A2ML1: variants seen among roughly 807,000 people sequenced by gnomAD.
The protein encoded by A2ML1 is alpha-2-macroglobulin like 1.
A2ML1 carries 161 observed loss-of-function variants against 181.9 expected under a neutral mutation model. That is an observed-to-expected ratio of 0.89 (90% CI 0.78 to 1.01). A2ML1 has a LOEUF of 1.01. A2ML1 is among the 50% of genes least tolerant of loss of function. The probability of loss-of-function intolerance (pLI) is 0.00; values close to 1 mark genes in which losing one functional copy is unlikely to be tolerated. For synonymous variants in A2ML1, 663 were observed against 666.8 expected, an observed-to-expected ratio of 0.99 and a Z score of 0.09; for missense variants, 1,670 against 1,768.1, an observed-to-expected ratio of 0.94 and a Z score of 1.00.
At chr12:8,880,658 C>A (rs1191852936), downstream of A2ML1, 1 of 152,144 alleles carries the variant, frequency 6.6e-6, no homozygotes, top group Non-Finnish European at 1.5e-5. Flanking sequence ...GAGGAGGGGA[C>A]ACTCAGCAGC....
At chr12:8,860,441 G>A (rs1944215532) in intron 26 of A2ML1, among the ~76,000 whole-genome samples, 1 of 152,138 alleles carries the variant, frequency 6.6e-6, no homozygotes, top group Non-Finnish European at 1.5e-5. Context: ...GCTCTTTCTG[G>A]GAAAGGCGAT....
rs757738104 is a variant in A2ML1, at chr12:8,834,861, T to C, written c.483+179T>C. On this transcript the variant is annotated intron_variant, in intron 5 of 35. Coordinates refer to ENST00000299698, the MANE Select transcript of A2ML1 (RefSeq NM_144670.6). ...GCCTGCTTTCTTGCCTCTGCCCTCC[T>C]AGTCTCTCACACCTACATTTCAGTA... 122 of 646,798 alleles carry C rather than the reference T, an allele frequency of 1.9e-4. 1 individual carries two copies. The highest frequency in any genetic ancestry group is 2.9e-4 in the Non-Finnish European group (108 of 375,182). The allele number at this position is 646,798 out of a possible 1,614,324, so 40.1% of individuals were successfully genotyped here.
At chr12:8,823,532 C>T in intron 2 of A2ML1, 167 bp downstream of exon 2, 1 of 1,080,298 alleles carries the variant, frequency 9.3e-7, no homozygotes. Context: ...CCCACGGTTT[C>T]CTCGACCTAG....
Position 8,823,338 on chromosome 12 carries a change from G to C in A2ML1, c.219G>C (p.Lys73Asn), listed in dbSNP as rs758676296. The C allele has an allele frequency of 1.9e-6, 3 of 1,613,878 alleles. No homozygotes were observed. The highest frequency in any genetic ancestry group is 1.3e-5 in the African/African-American group (1 of 74,888). The stretch of plus-strand genomic sequence containing the variant: ...TGCTAGAATACTCTGGACTGAAGAA[G>C]AGGCACTTACATTGTATCTCCTTTC... ...QKLLEYSGLKKRHLHCISFLV... is the reference protein window; with the variant it reads ...QKLLEYSGLKNRHLHCISFLV... Residue 73 changes from lysine (K) to asparagine (N), a missense_variant, in exon 2 of 36, where the codon AAG becomes AAC. By Grantham distance (94) the Lys-to-Asn change is moderately conservative. Transcript: ENST00000299698.
intron 17 of A2ML1, 107 bp downstream of exon 17, chr12:8,849,866 T>G: frequency 9.8e-7 from 1 of 1,019,648 alleles, no homozygotes; most frequent in Non-Finnish European, 1.5e-6. Flanking sequence ...AGCCCGAGAA[T>G]GCTAATGGGT....
chr12:8,884,982 A>G (rs1310387745), intron 7 of A2ML1, among the ~76,000 whole-genome samples: 1 of 152,198 alleles, frequency 6.6e-6, no homozygotes, highest in Non-Finnish European at 1.5e-5. Flanking sequence ...TGCAATGAAC[A>G]TTTGCATGCA....
chr12:8,847,687 A>G lies in A2ML1; in HGVS notation c.1822A>G (p.Ser608Gly). 6.2e-7 allele frequency: 1 copy of G among 1,611,962 alleles called. No individual in the cohort carries two copies. Among genetic ancestry groups the G allele is most frequent in the East Asian group, 2.2e-5 (1 of 44,606 alleles). ...VLLLRPDREL[S>G]NRSVYGMFPF... is the part of the protein sequence containing the mutation. ...ACTGCTTAGGCCAGACAGAGAGCTG[A>G]GCAACCGCTCTGTGAGTAACTGTCT... is the stretch of plus-strand genomic sequence containing the variant. The change falls in exon 15 of 36, where the codon AGC (serine) becomes GGC (glycine). Residue 608 changes from serine (S) to glycine (G), a missense_variant. Ser to Gly is a moderately conservative substitution (Grantham distance 56). Coordinates refer to ENST00000299698, the MANE Select transcript of A2ML1 (RefSeq NM_144670.6).
chr12:8,875,210 T>C (rs1411809884), intron 35 of A2ML1, among the ~76,000 whole-genome samples, 198 bp downstream of exon 35: 1 of 151,876 alleles, frequency 6.6e-6, no homozygotes, highest in Non-Finnish European at 1.5e-5. Context: ...CCTGAGTTGC[T>C]GGGATTATAG....
At chr12:8,828,171 C>T (rs1468028250) in intron 3 of A2ML1, among the ~76,000 whole-genome samples, 3 of 152,164 alleles carry the variant, frequency 2.0e-5, no homozygotes, top group South Asian at 2.1e-4. Flanking sequence ...GCCAGCCAGG[C>T]TTGTGTCCTC....
In A2ML1 at chr12:8,839,130, A is replaced by G. The variant is rs897684841; in HGVS notation, c.988A>G (p.Thr330Ala). 6.2e-7 allele frequency: 1 copy of G among 1,613,026 alleles called. No individual in the cohort carries two copies. Residue 330 changes from threonine to alanine, a missense_variant, in exon 10 of 36, where the codon ACT becomes GCT. Thr to Ala is a moderately conservative substitution (Grantham distance 58). Transcript: ENST00000299698. ...EEGTGVEANA[T>A]QNIYISPQMG... Reference sequence around the variant, plus strand: ...CTCTGCAGGTGTGGAGGCCAATGCCACTCAGAATATCTACATTTCTCCACA... The same window carrying G: ...CTCTGCAGGTGTGGAGGCCAATGCCGCTCAGAATATCTACATTTCTCCACA...
chr12:8,838,059 C>T (rs1943347096), intron 8 of A2ML1, among the ~76,000 whole-genome samples: 1 of 152,162 alleles, frequency 6.6e-6, no homozygotes, highest in South Asian at 2.1e-4. Context: ...GTTTTAGAGT[C>T]TGCCTTGGAA....
chr12:8,833,642 C>T (rs887766322), intron 4 of A2ML1, among the ~76,000 whole-genome samples: 3 of 152,038 alleles, frequency 2.0e-5, no homozygotes, highest in Non-Finnish European at 2.9e-5. Flanking sequence ...GTGATCCAAC[C>T]GCCACAGCCT....
Position 8,852,067 on chromosome 12 carries a change from A to G in A2ML1, c.2463+55A>G. On this transcript the variant is annotated intron_variant, in intron 19 of 35. Transcript: ENST00000299698. The surrounding 1 kb of genome is among the most constrained non-coding windows in gnomAD (Gnocchi z 4.2). ...TCAGCCCTGGAATCACACCTCCCCC[A>G]TAAGTTTGTCTCTAAATTGGAAGCA... 1.3e-6 allele frequency: 2 copies of G among 1,594,482 alleles called. No homozygotes were observed. The highest frequency in any genetic ancestry group is 1.3e-5 in the African/African-American group (1 of 74,454).
chr12:8,833,035 G>C (rs542419854), intron 4 of A2ML1, among the ~76,000 whole-genome samples: 10 of 144,838 alleles, frequency 6.9e-5, no homozygotes, highest in Non-Finnish European at 1.5e-4. Flanking sequence ...GTGCAGTAGC[G>C]GGATCTCAGC....
Position 8,855,499 on chromosome 12 carries a change from C to T in A2ML1, c.2765-10C>T, listed in dbSNP as rs1049692617. 5.6e-6 allele frequency: 9 copies of T among 1,612,582 alleles called. No individual in the cohort carries two copies. The highest frequency in any genetic ancestry group is 1.7e-5 in the Admixed American group (1 of 59,594). ...TTCTATTGTGTCACCTTTTTTTCTG[C>T]ATCTCACAGGAAAGGTGGCATCTGA... On this transcript the variant is annotated splice_polypyrimidine_tract_variant and intron_variant, in intron 22 of 35. Coordinates refer to ENST00000299698, the MANE Select transcript of A2ML1 (RefSeq NM_144670.6).
At chr12:8,854,901 T>TTC (rs1944010814) in intron 22 of A2ML1, 70 bp downstream of exon 22, 2 of 1,557,330 alleles carry the variant, frequency 1.3e-6, no homozygotes, top group East Asian at 4.5e-5. Flanking sequence ...TTTTCATTTT[T>TTC]TTTTTTTTTT....
chr12:8,841,478 G>A lies in A2ML1; in HGVS notation c.1190G>A (p.Gly397Asp). ...FNQTLVTDNNGLAPFTLETSG... is the reference protein window; with the variant it reads ...FNQTLVTDNNDLAPFTLETSG... ...CAGACCCTGGTTACTGATAACAATGGCCTAGCTCCCTTTACCTTGGAGACA... is the reference window on the plus strand; with the variant it reads ...CAGACCCTGGTTACTGATAACAATGACCTAGCTCCCTTTACCTTGGAGACA... Residue 397 changes from glycine (G) to aspartate (D), a missense_variant, in exon 11 of 36, where the codon GGC (glycine) becomes GAC (aspartate). Transcript: ENST00000299698. The A allele has an allele frequency of 6.2e-7, 1 of 1,614,048 alleles. No individual in the cohort carries two copies. The highest frequency in any genetic ancestry group is 8.5e-7 in the Non-Finnish European group (1 of 1,180,018).
intron 17 of A2ML1, among the ~76,000 whole-genome samples, 200 bp downstream of exon 17, chr12:8,849,959 C>T (rs1355783794): frequency 6.6e-6 from 1 of 152,154 alleles, no homozygotes; most frequent in African/African-American, 2.4e-5. Context: ...TGTATCCATT[C>T]CCCGGCCAAA....
At chr12:8,857,896 C>G (rs975439407) in intron 25 of A2ML1, 50 bp from the exon 26 acceptor site, 11 of 1,596,904 alleles carry the variant, frequency 6.9e-6, no homozygotes, top group Non-Finnish European at 9.4e-6. Flanking sequence ...TGATTGCACC[C>G]TCACCTGGAA....
Sources: allele counts gnomAD v4.1 joint callset (sites outside exome capture counted in the v4.1 genomes callset), GRCh38; gene constraint gnomAD v4.1.1; non-coding constraint Gnocchi (gnomAD v3.1); transcripts MANE v1.5; gene names NCBI Gene and HGNC (gene_info 2026-07-23, HGNC 2026-07-21).